KHDRBS2: variants seen among roughly 807,000 people sequenced by gnomAD.
KHDRBS2 encodes KH domain-containing, RNA-binding, signal transduction-associated protein 2.
In KHDRBS2, 26 loss-of-function variants were observed where a neutral mutation model predicts 44.3. The observed-to-expected ratio is 0.59, with a 90% CI of 0.43 to 0.81. KHDRBS2 has a LOEUF of 0.81. Ranked by LOEUF, KHDRBS2 falls within the 40% of genes least tolerant of loss-of-function variation. The pLI is 0.00. For missense variants in KHDRBS2, 476 were observed against 433.1 expected, an observed-to-expected ratio of 1.10 and a Z score of -0.88; for synonymous variants, 194 against 151.1, an observed-to-expected ratio of 1.28 and a Z score of -2.08.
chr6:61,763,469 T>C (rs1459068860), intron 6 of KHDRBS2, among the ~76,000 whole-genome samples: 1 of 152,124 alleles, frequency 6.6e-6, no homozygotes, highest in Non-Finnish European at 1.5e-5. Context: ...AGAGGCCAAA[T>C]GTTCCTGAGA....
At chr6:61,746,329 C>T (rs542198764) in intron 6 of KHDRBS2, among the ~76,000 whole-genome samples, 33 of 152,190 alleles carry the variant, frequency 2.2e-4, no homozygotes, top group Non-Finnish European at 4.3e-4. Flanking sequence ...CCCGACAGGC[C>T]ACTGTGTGTG....
intron 4 of KHDRBS2, among the ~76,000 whole-genome samples, chr6:61,949,174 T>A (rs988803443): frequency 1.3e-5 from 2 of 152,090 alleles, no homozygotes; most frequent in African/African-American, 4.8e-5. Context: ...TAAGTAGGGG[T>A]GAGAATAATT....
At chr6:61,804,480 T>C (rs1212189395) in intron 6 of KHDRBS2, among the ~76,000 whole-genome samples, 1 of 152,150 alleles carries the variant, frequency 6.6e-6, no homozygotes, top group Non-Finnish European at 1.5e-5. Context: ...CGCCTTCTTC[T>C]CACAGCTCCA....
chr6:61,674,148 T>C, the KHDRBS2 span, among the ~76,000 whole-genome samples: 2 of 151,790 alleles, frequency 1.3e-5, no homozygotes, highest in African/African-American at 4.8e-5. Flanking sequence ...TAGTCATGCT[T>C]TGTGGCAAGT....
chr6:61,953,217 G>A (rs1765134348), intron 4 of KHDRBS2, among the ~76,000 whole-genome samples: 1 of 151,932 alleles, frequency 6.6e-6, no homozygotes, highest in Non-Finnish European at 1.5e-5. Context: ...AAGTAGAGAA[G>A]CAATTATCAT....
chr6:62,144,917 C>T (rs1813605973), intron 2 of KHDRBS2, among the ~76,000 whole-genome samples: 1 of 151,812 alleles, frequency 6.6e-6, no homozygotes, highest in South Asian at 2.1e-4. Context: ...AAAGGTAAGT[C>T]CTTAGTGCAT....
In KHDRBS2 at chr6:62,169,164, C is replaced by CATATACGTAT. The variant is rs1562991843; in HGVS notation, c.219+8020_219+8021insATACGTATAT. 7.5e-3 allele frequency among the ~76,000 whole-genome samples: 547 copies of CATATACGTAT among 73,360 alleles called. 27 individuals carry two copies. Among genetic ancestry groups the CATATACGTAT allele is most frequent in the East Asian group, 0.022 (59 of 2,692 alleles). 48.1% of individuals were successfully genotyped at this position (73,360 alleles called of 152,430 possible). A position where few individuals can be genotyped will look rare whatever the true frequency, so the allele number is the denominator to read the frequency against. The stretch of plus-strand genomic sequence containing the variant: ...ATATATGTGTGTATATATACGTACA[C>CATATACGTAT]ATATATGTATATATGTATATATACG... On this transcript the variant is annotated intron_variant, in intron 2 of 8. Transcript: ENST00000281156.
intron 4 of KHDRBS2, among the ~76,000 whole-genome samples, chr6:61,947,915 AT>A (rs1367201910): frequency 7.2e-4 from 18 of 24,942 alleles, no homozygotes; most frequent in African/African-American, 2.3e-3. Context: ...CACACACAAA[AT>A]AATAATAATA....
At chr6:61,653,044 C>T in the KHDRBS2 span, among the ~76,000 whole-genome samples, 133 of 152,166 alleles carry the variant, frequency 8.7e-4, no homozygotes, top group African/African-American at 3.0e-3. Context: ...CAGAGCATGG[C>T]TGAGCTCATC....
At chr6:61,891,424 G>A (rs942858956) in intron 6 of KHDRBS2, among the ~76,000 whole-genome samples, 1 of 152,098 alleles carries the variant, frequency 6.6e-6, no homozygotes, top group Non-Finnish European at 1.5e-5. Context: ...CCAGGCTTTG[G>A]TATCAGGATG....
At chr6:61,870,773 A>G (rs1798546619) in intron 6 of KHDRBS2, among the ~76,000 whole-genome samples, 1 of 147,210 alleles carries the variant, frequency 6.8e-6, no homozygotes, top group South Asian at 2.2e-4. Flanking sequence ...GCAGACGTGC[A>G]GCAGAGGGGC....
chr6:62,240,785 C>T (rs1291570944), intron 1 of KHDRBS2, among the ~76,000 whole-genome samples: 7 of 145,966 alleles, frequency 4.8e-5, no homozygotes, highest in South Asian at 2.2e-4. Flanking sequence ...AGTCTTCTCC[C>T]CTTTCTTGTC....
At chr6:62,075,605 A>C (rs1438475104) in intron 2 of KHDRBS2, among the ~76,000 whole-genome samples, 1 of 151,858 alleles carries the variant, frequency 6.6e-6, no homozygotes, top group African/African-American at 2.4e-5. Flanking sequence ...TTATTTTCCC[A>C]TTCCTGTTCC....
At chr6:62,162,567 C>T (rs1244104971) in intron 2 of KHDRBS2, among the ~76,000 whole-genome samples, 13 of 151,988 alleles carry the variant, frequency 8.6e-5, no homozygotes, top group East Asian at 3.9e-4. Flanking sequence ...ACAGTTGAAA[C>T]GGATCAAAAT....
chr6:62,081,711 A>C (rs1190080113), intron 2 of KHDRBS2, among the ~76,000 whole-genome samples: 1 of 152,174 alleles, frequency 6.6e-6, no homozygotes, highest in Non-Finnish European at 1.5e-5. Flanking sequence ...ACTAGAGTAT[A>C]AAACTATGCA....
intron 4 of KHDRBS2, among the ~76,000 whole-genome samples, chr6:61,949,535 A>T (rs1417700723): frequency 1.3e-5 from 2 of 152,130 alleles, no homozygotes; most frequent in Non-Finnish European, 2.9e-5. Context: ...TACAGGAACA[A>T]TATACTATTT....
intron 2 of KHDRBS2, among the ~76,000 whole-genome samples, chr6:62,068,187 G>C (rs751751792): frequency 6.6e-6 from 1 of 151,386 alleles, no homozygotes; most frequent in Non-Finnish European, 1.5e-5. Context: ...TCCACTTCTC[G>C]GTCAACACTT....
chr6:62,146,321 C>T (rs1010776612), intron 2 of KHDRBS2, among the ~76,000 whole-genome samples: 1 of 151,822 alleles, frequency 6.6e-6, no homozygotes, highest in Non-Finnish European at 1.5e-5. Flanking sequence ...GCATACGATC[C>T]AAGGTTGTAT....
At chr6:61,789,840 C>T (rs534458102) in intron 6 of KHDRBS2, among the ~76,000 whole-genome samples, 9 of 151,408 alleles carry the variant, frequency 5.9e-5, no homozygotes, top group Non-Finnish European at 8.9e-5. Flanking sequence ...TTTATCTCAC[C>T]TAATCCTCAC....
Sources: allele counts gnomAD v4.1 joint callset (sites outside exome capture counted in the v4.1 genomes callset), GRCh38; gene constraint gnomAD v4.1.1; transcripts MANE v1.5; gene names NCBI Gene and HGNC (gene_info 2026-07-23, HGNC 2026-07-21).